The following HIVEP1 variants were observed in gnomAD, a reference collection of about 807,000 sequenced individuals.
HIVEP1 encodes the protein zinc finger protein 40.
Under a neutral mutation model 180.0 loss-of-function variants are expected in HIVEP1, and 36 were observed. That is an observed-to-expected ratio of 0.20 (90% CI 0.15 to 0.26). The LOEUF (loss-of-function observed/expected upper bound fraction) is 0.26, where lower values mean the gene tolerates loss of function less well. Ranked by LOEUF, HIVEP1 falls within the 10% of genes least tolerant of loss-of-function variation. The pLI is 1.00. For missense variants in HIVEP1, 3,143 were observed against 3,268.7 expected (o/e 0.96, Z 0.94); for synonymous variants, 1,239 against 1,239.0 (o/e 1.00, Z 0.00).
At chr6:12,117,111 T>C (rs4377779) in intron 3 of HIVEP1, among the ~76,000 whole-genome samples, 40,077 of 152,078 alleles carry the variant, frequency 0.26, 6,174 homozygotes, top group Non-Finnish European at 0.35. Flanking sequence ...ACCTTTTCCC[T>C]AAATAAAAGA....
chr6:12,043,784 C>T (rs1377474823), intron 2 of HIVEP1, among the ~76,000 whole-genome samples: 1 of 152,194 alleles, frequency 6.6e-6, no homozygotes, highest in African/African-American at 2.4e-5. Context: ...TGATCAGCGT[C>T]CCCTTGCTGT....
the HIVEP1 span, among the ~76,000 whole-genome samples, chr6:12,201,515 A>AAAAC: frequency 2.0e-5 from 3 of 152,018 alleles, no homozygotes; most frequent in Non-Finnish European, 4.4e-5. Context: ...AAAACAAAAC[A>AAAAC]TTTTTTTGAA....
rs145811304 is a variant in HIVEP1, at chr6:12,152,223, T to C, written c.6488-9216T>C. 6.6e-4 allele frequency among the ~76,000 whole-genome samples: 101 copies of C among 152,272 alleles called. No individual in the cohort carries two copies. In the East Asian group the frequency reaches 0.017, roughly 26 times the overall value. ...GTTACTCAACATAGTATCATAGTTG[T>C]TACATTAAGTAACATGCAGTAGCAA... On this transcript the variant is annotated intron_variant, in intron 7 of 8. Transcript: ENST00000379388.
In HIVEP1 at chr6:12,164,384, C is replaced by A. The variant is rs747354975; in HGVS notation, c.8080C>A (p.Pro2694Thr). ...ACAGGTTCCCAGGCCCACAGCACTA[C>A]CGCGGAGGCAGCCCACTGTGCACTT... ...DRQVPRPTAL[P>T]RRQPTVHFSD... Residue 2694 changes from proline (P) to threonine (T), a missense_variant, in exon 9 of 9, where the codon CCG becomes ACG. Coordinates refer to ENST00000379388, the MANE Select transcript of HIVEP1 (RefSeq NM_002114.4). The A allele has an allele frequency of 4.3e-6, 7 of 1,614,032 alleles. No homozygotes were observed. The Admixed American group carries it at 1.2e-4, about 27-fold the overall frequency.
intron 2 of HIVEP1, chr6:12,039,110 G>T (rs1769496514): frequency 6.6e-6 from 1 of 152,046 alleles, no homozygotes; most frequent in South Asian, 2.1e-4. Context: ...TACACTGAAA[G>T]GATTTAGATT....
At chr6:12,073,077 A>G (rs1305168465) in intron 2 of HIVEP1, among the ~76,000 whole-genome samples, 1 of 152,196 alleles carries the variant, frequency 6.6e-6, no homozygotes, top group African/African-American at 2.4e-5. Flanking sequence ...TCTGAAGATT[A>G]TCATGTGTTT....
intron 2 of HIVEP1, among the ~76,000 whole-genome samples, chr6:12,018,038 C>T (rs990246343): frequency 6.6e-6 from 1 of 152,230 alleles, no homozygotes; most frequent in Non-Finnish European, 1.5e-5. Flanking sequence ...TTAGGCATGG[C>T]GGGCTGCAGG....
Position 12,121,960 on chromosome 6 carries a change from T to G in HIVEP1, c.2165T>G (p.Leu722Trp). 3 of 1,614,180 alleles carry G rather than the reference T, an allele frequency of 1.9e-6. 1 individual carries two copies. The highest frequency in any genetic ancestry group is 2.2e-5 in the East Asian group (1 of 44,880). Residue 722 changes from leucine (L) to tryptophan (W), a missense_variant, in exon 4 of 9, where the codon TTG becomes TGG. By Grantham distance (61) the Leu-to-Trp change is moderately conservative. This residue lies in a region of HIVEP1 where 365 missense variants were observed against 344.4 expected (regional missense o/e 1.06). Transcript: ENST00000379388. The surrounding 1 kb of genome is among the most constrained non-coding windows in gnomAD (Gnocchi z 5.3). ...GTCACCACGTCAACACCCTCTGCTT[T>G]GCCCACAGGGGAAAAGGCATTGCTT... ...ALVTTSTPSA[L>W]PTGEKALLLP...
chr6:12,090,735 C>CTT (rs35266647), intron 3 of HIVEP1, among the ~76,000 whole-genome samples: 13,138 of 82,274 alleles, frequency 0.16, 1,491 homozygotes, highest in Non-Finnish European at 0.23. Context: ...TATAGCCAGC[C>CTT]TTTTTTTTTT....
intron 2 of HIVEP1, among the ~76,000 whole-genome samples, chr6:12,058,303 T>C (rs1413880762): frequency 6.6e-6 from 1 of 152,236 alleles, no homozygotes; most frequent in African/African-American, 2.4e-5. Flanking sequence ...GTTAGTGTTT[T>C]GAAAATAGCA....
intron 2 of HIVEP1, among the ~76,000 whole-genome samples, chr6:12,059,036 C>T (rs1771060331): frequency 6.6e-6 from 1 of 151,892 alleles, no homozygotes; most frequent in African/African-American, 2.4e-5. Context: ...ACTGCAACCT[C>T]CACCTCCCAG....
intron 2 of HIVEP1, among the ~76,000 whole-genome samples, chr6:12,035,793 T>C (rs527317351): frequency 1.8e-3 from 279 of 152,260 alleles, no homozygotes; most frequent in African/African-American, 6.5e-3. Context: ...GTAGGAAATA[T>C]AGAAAAACAT....
In HIVEP1 at chr6:12,123,228, C is replaced by A; in HGVS notation, c.3433C>A (p.Pro1145Thr). Residue 1145 changes from proline (P) to threonine (T), a missense_variant, in exon 4 of 9, where the codon CCC (proline) becomes ACC (threonine). Pro to Thr is a conservative substitution (Grantham distance 38). Transcript: ENST00000379388. ...CCAGCACACCAACTCCCTGAGCAGG[C>A]CCAACTCATTTGACAAGCCTGAGCC... ...VIQHTNSLSR[P>T]NSFDKPEPFE... 6.2e-7 allele frequency: 1 copy of A among 1,614,154 alleles called. No individual in the cohort carries two copies. Among genetic ancestry groups the A allele is most frequent in the Non-Finnish European group, 8.5e-7 (1 of 1,180,016 alleles).
Position 12,120,641 on chromosome 6 carries a change from T to G in HIVEP1, c.846T>G (p.His282Gln). The change falls in exon 4 of 9, where the codon CAT (histidine) becomes CAG (glutamine). Residue 282 changes from histidine to glutamine, a missense_variant. This residue lies in a region of HIVEP1 where 306 missense variants were observed against 310.6 expected (regional missense o/e 0.99). Coordinates refer to ENST00000379388, the MANE Select transcript of HIVEP1 (RefSeq NM_002114.4). ...NEQGAMQSAS[H>Q]LYHQHEHFVP... is the part of the protein sequence containing the mutation. Reference sequence around the variant, plus strand: ...AAGGGGCAATGCAGTCAGCTTCTCATTTGTATCATCAACATGAACACTTTG... The same window carrying G: ...AAGGGGCAATGCAGTCAGCTTCTCAGTTGTATCATCAACATGAACACTTTG... The G allele has an allele frequency of 6.2e-7, 1 of 1,614,202 alleles. No individual in the cohort carries two copies. The highest frequency in any genetic ancestry group is 1.1e-5 in the South Asian group (1 of 91,084).
chr6:12,009,398 A>C (rs758709072), upstream of HIVEP1, among the ~76,000 whole-genome samples: 28 of 152,286 alleles, frequency 1.8e-4, no homozygotes, highest in Middle Eastern at 3.4e-3. Flanking sequence ...ACTTTCCCCA[A>C]GGGGGGCTCC....
intron 7 of HIVEP1, among the ~76,000 whole-genome samples, chr6:12,145,670 C>T (rs926324000): frequency 6.6e-6 from 1 of 152,112 alleles, no homozygotes. Context: ...AGGCACCTCA[C>T]CCTCTTACTG....
the HIVEP1 span, among the ~76,000 whole-genome samples, chr6:12,174,351 T>C: frequency 2.0e-5 from 3 of 152,174 alleles, no homozygotes; most frequent in African/African-American, 7.2e-5. Flanking sequence ...ACCCAAATTA[T>C]TAAAAACTTC....
At chr6:12,090,291 G>C (rs1240077832) in intron 3 of HIVEP1, among the ~76,000 whole-genome samples, 2 of 152,100 alleles carry the variant, frequency 1.3e-5, no homozygotes, top group Non-Finnish European at 2.9e-5. Context: ...AATTACAGCA[G>C]ACTATTTTGA....
chr6:12,153,571 CAAA>C (rs3070558), intron 7 of HIVEP1, among the ~76,000 whole-genome samples: 68,534 of 94,670 alleles, frequency 0.72, 24,386 homozygotes, highest in East Asian at 0.85. Context: ...GTAAGAAATG[CAAA>C]AAAAAAAAAA....
Sources: gnomAD v4.1 joint callset for allele counts (sites outside exome capture counted in the v4.1 genomes callset) on GRCh38, gnomAD v4.1.1 for gene constraint, gnomAD v4.1.1 regional missense constraint, Gnocchi (gnomAD v3.1) non-coding constraint, MANE v1.5 for transcripts, NCBI Gene and HGNC (gene_info 2026-07-23, HGNC 2026-07-21) for gene names.